BUB1: variants seen among roughly 807,000 people sequenced by gnomAD.
BUB1 encodes mitotic checkpoint serine/threonine-protein kinase BUB1.
A neutral mutation model predicts 135.2 loss-of-function variants in BUB1; 84 were observed. The ratio of observed to expected loss-of-function variants is 0.62; its 90% CI spans 0.52 to 0.74. BUB1 has a LOEUF of 0.74. BUB1 is among the 30% of genes least tolerant of loss of function. BUB1 has a pLI of 0.00. For synonymous variants in BUB1, 403 were observed against 434.4 expected (o/e 0.93, Z 0.90); for missense variants, 1,162 against 1,288.3 (o/e 0.90, Z 1.50).
intron 3 of BUB1, 147 bp from the exon 4 acceptor site, chr2:110,673,004 G>GAAAA: frequency 1.4e-6 from 1 of 738,298 alleles, no homozygotes; most frequent in Non-Finnish European, 2.0e-6. Context: ...TTAGAGGGTT[G>GAAAA]GACTTTTCAG....
rs1321410370 is a variant in BUB1, at chr2:110,639,775, C to T, written c.3029G>A (p.Gly1010Glu). ...FGTYMKVKNE[G>E]GECKPEGLFR... ...AAGACCTTCAGGCTTACACTCTCCT[C>T]CTTCATTTTTCACTTTCATGTAAGT... The change falls in exon 24 of 25, where the codon GGA becomes GAA. Residue 1010 changes from glycine (G) to glutamate (E), a missense_variant. Transcript: ENST00000302759. 3 of 1,613,882 alleles carry T rather than the reference C, an allele frequency of 1.9e-6. No homozygotes were observed. The highest frequency in any genetic ancestry group is 2.5e-6 in the Non-Finnish European group (3 of 1,179,928).
chr2:110,655,852 T>C lies in BUB1; in HGVS notation c.1763A>G (p.Lys588Arg), dbSNP rs753619023. 1 of 1,614,052 alleles carries C rather than the reference T, an allele frequency of 6.2e-7. No individual in the cohort carries two copies. The change falls in exon 16 of 25, where the codon AAA (lysine) becomes AGA (arginine). Residue 588 changes from lysine to arginine, a missense_variant. Lys to Arg is a conservative substitution (Grantham distance 26, BLOSUM62 2). Coordinates refer to ENST00000302759, the MANE Select transcript of BUB1 (RefSeq NM_004336.5). ...DSTVWGIRCN[K>R]TLAPSPKSPG... The stretch of plus-strand genomic sequence containing the variant: ...GCTCTTAGGACTGGGTGCCAGGGTT[T>C]TGTTGCAGCGAATACCCCATACAGT...
intron 24 of BUB1, among the ~76,000 whole-genome samples, chr2:110,639,207 A>G (rs1319129614): frequency 6.6e-6 from 1 of 152,154 alleles, no homozygotes; most frequent in African/African-American, 2.4e-5. Flanking sequence ...TTGCCTAATC[A>G]TGAATTTTCA....
At chr2:110,668,528 G>A (rs959610315) in intron 6 of BUB1, among the ~76,000 whole-genome samples, 3 of 152,226 alleles carry the variant, frequency 2.0e-5, no homozygotes, top group African/African-American at 4.8e-5. Context: ...GCACACAGGC[G>A]TTTCCATTGG....
Position 110,655,801 on chromosome 2 carries a change from T to C in BUB1, c.1814A>G (p.Gln605Arg). 6.2e-7 allele frequency: 1 copy of C among 1,613,916 alleles called. No individual in the cohort carries two copies. The highest frequency in any genetic ancestry group is 1.1e-5 in the South Asian group (1 of 91,062). The change falls in exon 16 of 25, where the codon CAA becomes CGA. Residue 605 changes from glutamine (Q) to arginine (R), a missense_variant. Coordinates refer to ENST00000302759, the MANE Select transcript of BUB1 (RefSeq NM_004336.5). ...KSPGDFTSAA[Q>R]LASTPFHKLP... ...CTTGTGGAATGGTGTAGACGCAAGT[T>C]GTGCAGCAGATGTGAAGTCTCCTGG...
intron 23 of BUB1, 60 bp downstream of exon 23, chr2:110,640,974 G>C: frequency 6.8e-7 from 1 of 1,477,784 alleles, no homozygotes; most frequent in African/African-American, 1.4e-5. Context: ...AATTCATTTT[G>C]AAAATCTGAT....
chr2:110,657,104 T>C lies in BUB1; in HGVS notation c.1630A>G (p.Lys544Glu), dbSNP rs1299576794. 6.2e-7 allele frequency: 1 copy of C among 1,612,694 alleles called. No individual in the cohort carries two copies. Among genetic ancestry groups the C allele is most frequent in the East Asian group, 2.2e-5 (1 of 44,834 alleles). The part of the protein sequence containing the change: ...NKENYGLPQP[K>E]NKPTGARTFG... ...GTCCTGGCTCCTGTGGGTTTATTTT[T>C]AGGCTGTGGTAATCTAAGGAAAGAT... Residue 544 changes from lysine (K) to glutamate (E), a missense_variant, in exon 15 of 25, where the codon AAA (lysine) becomes GAA (glutamate). Lys to Glu is a moderately conservative substitution (Grantham distance 56). Transcript: ENST00000302759.
chr2:110,663,753 G>A (rs1158183056), intron 9 of BUB1, among the ~76,000 whole-genome samples: 1 of 152,216 alleles, frequency 6.6e-6, no homozygotes, highest in Non-Finnish European at 1.5e-5. Context: ...TGCTGGCCGG[G>A]CACTGTGGCT....
intron 4 of BUB1, among the ~76,000 whole-genome samples, chr2:110,672,086 G>A (rs1690438650): frequency 6.6e-6 from 1 of 152,068 alleles, no homozygotes; most frequent in African/African-American, 2.4e-5. Flanking sequence ...AATTAGCTGG[G>A]CATGGTGGCA....
In BUB1 at chr2:110,655,838, T is replaced by C; in HGVS notation, c.1777A>G (p.Ser593Gly). The part of the protein sequence containing the change: ...GIRCNKTLAP[S>G]PKSPGDFTSA... ...GTGAAGTCTCCTGGGCTCTTAGGAC[T>C]GGGTGCCAGGGTTTTGTTGCAGCGA... Residue 593 changes from serine to glycine, a missense_variant, in exon 16 of 25, where the codon AGT becomes GGT. Ser to Gly is a moderately conservative substitution (Grantham distance 56). Transcript: ENST00000302759. 1 of 1,614,042 alleles carries C rather than the reference T, an allele frequency of 6.2e-7. No homozygotes were observed.
intron 9 of BUB1, 92 bp from the exon 10 acceptor site, chr2:110,661,933 T>G (rs947004379): frequency 7.0e-7 from 1 of 1,436,696 alleles, no homozygotes; most frequent in African/African-American, 1.4e-5. Context: ...GCATGGCATC[T>G]GTCTTCAATG....
Position 110,649,502 on chromosome 2 carries a change from A to T in BUB1, c.2204-125T>A, listed in dbSNP as rs932246531. On this transcript the variant is annotated intron_variant, in intron 18 of 24. Transcript: ENST00000302759. ...AAGTAAGCTTTCAAAGCCTTATAAG[A>T]GTATTAATTCAAAATAAAAAAGAAC... 3 of 910,298 alleles carry T rather than the reference A, an allele frequency of 3.3e-6. No individual in the cohort carries two copies. In the East Asian group the frequency reaches 8.1e-5, roughly 25 times the overall value. 56.4% of individuals were successfully genotyped at this position (910,298 alleles called of 1,614,324 possible).
chr2:110,641,171 C>T lies in BUB1; in HGVS notation c.2818G>A (p.Ala940Thr). The change falls in exon 23 of 25, where the codon GCT becomes ACT. Residue 940 changes from alanine to threonine, a missense_variant. By Grantham distance (58) the Ala-to-Thr change is moderately conservative (BLOSUM62 0). Transcript: ENST00000302759. ...CCCAGGTCAATCAGTGCCAAGCCAG[C>T]AGATAAATCATCTTCATCATCCTGT... ...LEQDDEDDLS[A>T]GLALIDLGQS... 1 of 1,605,964 alleles carries T rather than the reference C, an allele frequency of 6.2e-7. No individual in the cohort carries two copies.
rs1689767279 is a variant in BUB1 at position 110,650,860 on chromosome 2, C to T, written c.1965-76G>A. 6 of 1,345,974 alleles carry T rather than the reference C, an allele frequency of 4.5e-6. No homozygotes were observed. The South Asian group carries it at 7.7e-5, about 17-fold the overall frequency. The allele number at this position is 1,345,974 out of a possible 1,614,324, so 83.4% of individuals were successfully genotyped here. ...CTGTTGGATTCAGTCACATGAAATT[C>T]CCTTCTCATTCTAGAAATGACATTT... On this transcript the variant is annotated intron_variant, in intron 17 of 24. Coordinates refer to ENST00000302759, the MANE Select transcript of BUB1 (RefSeq NM_004336.5).
At chr2:110,674,735 G>A (rs1319695160) in intron 1 of BUB1, among the ~76,000 whole-genome samples, 1 of 152,208 alleles carries the variant, frequency 6.6e-6, no homozygotes, top group Non-Finnish European at 1.5e-5. Flanking sequence ...TCCAAGCATG[G>A]CACTGACTCA....
At chr2:110,652,739 T>C (rs2104530008) in intron 17 of BUB1, among the ~76,000 whole-genome samples, 1 of 152,368 alleles carries the variant, frequency 6.6e-6, no homozygotes, top group African/African-American at 2.4e-5. Context: ...TGTATTTTTA[T>C]ACAAATAAAT....
At chr2:110,677,899 G>A in intron 1 of BUB1, 71 bp downstream of exon 1, 1 of 1,534,050 alleles carries the variant, frequency 6.5e-7, no homozygotes, top group African/African-American at 1.4e-5. Flanking sequence ...GGCAGGTCTG[G>A]GGCGGGCCGG....
At chr2:110,640,071 C>A in intron 23 of BUB1, 1 of 623,268 alleles carries the variant, frequency 1.6e-6, no homozygotes, top group Non-Finnish European at 3.0e-6. Context: ...CCTGAGCTAC[C>A]ATGTCCCTCT....
intron 19 of BUB1, among the ~76,000 whole-genome samples, chr2:110,646,665 C>T (rs1433942432): frequency 6.6e-6 from 1 of 152,050 alleles, no homozygotes. Flanking sequence ...TTCTGAATAC[C>T]ACATTGGTCA....
Sources: allele counts gnomAD v4.1 joint callset (sites outside exome capture counted in the v4.1 genomes callset), GRCh38; gene constraint gnomAD v4.1.1; transcripts MANE v1.5; gene names NCBI Gene and HGNC (gene_info 2026-07-23, HGNC 2026-07-21).